TMOD3: variants seen among roughly 807,000 people sequenced by gnomAD.
TMOD3 encodes tropomodulin-3.
In TMOD3, 20 loss-of-function variants were observed where a neutral mutation model predicts 39.2. That is an observed-to-expected ratio of 0.51 (90% CI 0.36 to 0.74). TMOD3 has a LOEUF of 0.74. TMOD3 is among the 30% of genes least tolerant of loss of function. The probability of loss-of-function intolerance (pLI) is 0.00; values close to 1 mark genes in which losing one functional copy is unlikely to be tolerated. For missense variants in TMOD3, 381 were observed against 412.8 expected, an observed-to-expected ratio of 0.92 and a Z score of 0.67; for synonymous variants, 143 against 145.8, an observed-to-expected ratio of 0.98 and a Z score of 0.14.
At position 51,909,788 on chromosome 15, in the gene TMOD3, G is replaced by A. The variant is rs1289991437; in HGVS notation, c.*978G>A. On this transcript the variant is annotated 3_prime_UTR_variant, in exon 10 of 10. Coordinates refer to ENST00000308580, the MANE Select transcript of TMOD3 (RefSeq NM_014547.5). The stretch of plus-strand genomic sequence containing the variant: ...CTGGCATGTATGTAAATTACTTGGT[G>A]TTACACCATATCCGAAGAAGTTCCT... 6.6e-6 allele frequency: 1 copy of A among 152,214 alleles called. No individual in the cohort carries two copies. The highest frequency in any genetic ancestry group is 1.5e-5 in the Non-Finnish European group (1 of 68,048). The allele number at this position is 152,214 out of a possible 1,614,324, so 9.4% of individuals were successfully genotyped here. A position where few individuals can be genotyped will look rare whatever the true frequency, so the allele number is the denominator to read the frequency against.
At position 51,908,847 on chromosome 15, in the gene TMOD3, A is replaced by C; in HGVS notation, c.*37A>C. The C allele has an allele frequency of 6.4e-7, 1 of 1,569,204 alleles. No individual in the cohort carries two copies. The highest frequency in any genetic ancestry group is 8.7e-7 in the Non-Finnish European group (1 of 1,154,928). ...TGTAATCTTTGGAAGACTTCAGAAG[A>C]TCACCAAGGGCTCATGTTGGTGACA... On this transcript the variant is annotated 3_prime_UTR_variant, in exon 10 of 10. Coordinates refer to ENST00000308580, the MANE Select transcript of TMOD3 (RefSeq NM_014547.5).
At chr15:51,860,664 G>A (rs1000949769) in intron 1 of TMOD3, 28 of 496,584 alleles carry the variant, frequency 5.6e-5, no homozygotes, top group Admixed American at 1.1e-4. Context: ...GGCCAGGCAC[G>A]GTGGCTCATG....
chr15:51,857,559 ATTAGAGTGCCCTG>A (rs1372403744), intron 1 of TMOD3, among the ~76,000 whole-genome samples: 1 of 152,138 alleles, frequency 6.6e-6, no homozygotes, highest in African/African-American at 2.4e-5. Flanking sequence ...CGTATTGCCT[ATTAGAGTGCCCTG>A]TTAGAATGAT....
At chr15:51,847,566 A>G (rs1289562408) in intron 1 of TMOD3, among the ~76,000 whole-genome samples, 2 of 152,300 alleles carry the variant, frequency 1.3e-5, no homozygotes, top group East Asian at 1.9e-4. Context: ...AAGCTTCATT[A>G]TATAGAAGAA....
intron 3 of TMOD3, among the ~76,000 whole-genome samples, chr15:51,886,301 G>A (rs924160165): frequency 4.6e-5 from 7 of 152,238 alleles, no homozygotes; most frequent in African/African-American, 1.2e-4. Context: ...GGCACTTTGG[G>A]AGGCCAAGGC....
chr15:51,856,527 C>T (rs1338250688), intron 1 of TMOD3, among the ~76,000 whole-genome samples: 1 of 150,934 alleles, frequency 6.6e-6, no homozygotes, highest in Non-Finnish European at 1.5e-5. Flanking sequence ...CTAGGATATA[C>T]CATGATAAAC....
intron 1 of TMOD3, chr15:51,833,235 A>G (rs537885924): frequency 2.0e-4 from 31 of 152,324 alleles, no homozygotes; most frequent in African/African-American, 6.7e-4. Flanking sequence ...CTTATTTACA[A>G]TGATCAAAGA....
chr15:51,853,406 G>GA (rs2056371996), intron 1 of TMOD3, among the ~76,000 whole-genome samples: 1 of 152,102 alleles, frequency 6.6e-6, no homozygotes, highest in African/African-American at 2.4e-5. Context: ...TCACTATGTT[G>GA]CCCAGGCTCG....
At chr15:51,880,921 T>G (rs1566862079) in intron 3 of TMOD3, among the ~76,000 whole-genome samples, 1 of 152,364 alleles carries the variant, frequency 6.6e-6, no homozygotes, top group East Asian at 1.9e-4. Flanking sequence ...GGCTGCGGTA[T>G]TGTACCTTCT....
intron 9 of TMOD3, among the ~76,000 whole-genome samples, chr15:51,906,535 A>G (rs1314772075): frequency 2.6e-5 from 4 of 152,130 alleles, no homozygotes; most frequent in South Asian, 2.1e-4. Flanking sequence ...GCAATATTCT[A>G]TTTACCTTTG....
chr15:51,884,907 G>A (rs1428711881), intron 3 of TMOD3, among the ~76,000 whole-genome samples: 1 of 152,194 alleles, frequency 6.6e-6, no homozygotes, highest in Non-Finnish European at 1.5e-5. Context: ...CATGTTGTTT[G>A]AACTCTTATT....
intron 7 of TMOD3, among the ~76,000 whole-genome samples, chr15:51,897,916 C>G (rs142968426): frequency 4.3e-4 from 65 of 152,230 alleles, no homozygotes; most frequent in African/African-American, 1.4e-3. Flanking sequence ...CAACTACCAC[C>G]TTGACCCAAG....
At chr15:51,859,491 A>G (rs1461797806) in intron 1 of TMOD3, 2 of 652,598 alleles carry the variant, frequency 3.1e-6, no homozygotes, top group East Asian at 7.8e-5. Context: ...ACTTTTATAC[A>G]CAGCTCTGGC....
intron 3 of TMOD3, among the ~76,000 whole-genome samples, chr15:51,875,523 G>A (rs2056497554): frequency 6.6e-6 from 1 of 151,884 alleles, no homozygotes; most frequent in Non-Finnish European, 1.5e-5. Context: ...GGTTTCATGG[G>A]GAACATTTCC....
At chr15:51,832,013 T>C (rs1427862189) in intron 1 of TMOD3, among the ~76,000 whole-genome samples, 1 of 151,626 alleles carries the variant, frequency 6.6e-6, no homozygotes, top group East Asian at 1.9e-4. Context: ...CAAGACCCTG[T>C]CTCTACAAAA....
intron 7 of TMOD3, among the ~76,000 whole-genome samples, chr15:51,899,529 G>A (rs183172519): frequency 3.5e-4 from 53 of 152,114 alleles, no homozygotes; most frequent in African/African-American, 1.2e-3. Context: ...AGCCGGGCAT[G>A]GTGGCACACA....
At chr15:51,852,739 T>A (rs886444709) in intron 1 of TMOD3, among the ~76,000 whole-genome samples, 1 of 152,216 alleles carries the variant, frequency 6.6e-6, no homozygotes, top group African/African-American at 2.4e-5. Flanking sequence ...GATCCAAGTA[T>A]ATCAAATTTG....
chr15:51,834,304 A>AT (rs1188494237), intron 1 of TMOD3, among the ~76,000 whole-genome samples: 1 of 152,100 alleles, frequency 6.6e-6, no homozygotes, highest in East Asian at 1.9e-4. Context: ...TGTTTTATCA[A>AT]TTTTTTGTAT....
At chr15:51,897,805 AC>A (rs2056629330) in intron 7 of TMOD3, among the ~76,000 whole-genome samples, 1 of 150,966 alleles carries the variant, frequency 6.6e-6, no homozygotes. Context: ...AAAACAAAAA[AC>A]TAATGGAATC....
Sources: allele counts gnomAD v4.1 joint callset (sites outside exome capture counted in the v4.1 genomes callset), GRCh38; gene constraint gnomAD v4.1.1; transcripts MANE v1.5; gene names NCBI Gene and HGNC (gene_info 2026-07-23, HGNC 2026-07-21).